Variants in ALG8 observed in about 807,000 individuals in gnomAD.
ALG8 encodes dolichyl pyrophosphate Glc1Man9GlcNAc2 alpha-1,3-glucosyltransferase.
In ALG8, 48 loss-of-function variants were observed where a neutral mutation model predicts 70.2. The observed-to-expected ratio is 0.68, with a 90% CI of 0.54 to 0.87. The LOEUF is 0.87. Among genes scored for constraint, ALG8 ranks in the 40% least tolerant of loss-of-function variants. ALG8 has a pLI of 0.00. For missense variants in ALG8, 572 were observed against 608.7 expected, an observed-to-expected ratio of 0.94 and a Z score of 0.64; for synonymous variants, 234 against 229.0, an observed-to-expected ratio of 1.02 and a Z score of -0.20.
At chr11:78,124,647 G>A (rs1278558340) in intron 2 of ALG8, among the ~76,000 whole-genome samples, 1 of 152,038 alleles carries the variant, frequency 6.6e-6, no homozygotes, top group African/African-American at 2.4e-5. Flanking sequence ...GATAAACTTG[G>A]TTATGACATG....
intron 6 of ALG8, 63 bp downstream of exon 6, chr11:78,114,203 C>G (rs140571089): frequency 1.9e-6 from 3 of 1,604,678 alleles, no homozygotes; most frequent in Admixed American, 3.3e-5. Flanking sequence ...ATCAAGCAAG[C>G]CACCAAGTCA....
At chr11:78,127,476 A>G in intron 1 of ALG8, 40 bp from the exon 2 acceptor site, 1 of 1,542,864 alleles carries the variant, frequency 6.5e-7, no homozygotes, top group Non-Finnish European at 8.9e-7. Flanking sequence ...AGATTTTGCA[A>G]TATTTATCAA....
In ALG8 at chr11:78,139,584, G is replaced by C; in HGVS notation, c.5C>G (p.Ala2Gly). ...AGTACCCGTGGCAATTGTGAGCGCC[G>C]CCATTGCTGCGGCACCGCACGCTTC... MAALTIATGTGN... is the reference protein window; with the variant it reads MGALTIATGTGN... The change falls in exon 1 of 13, where the codon GCG becomes GGG. Residue 2 changes from alanine to glycine, a missense_variant. By Grantham distance (60) the Ala-to-Gly change is moderately conservative. Coordinates refer to ENST00000299626, the MANE Select transcript of ALG8 (RefSeq NM_024079.5). The C allele has an allele frequency of 6.4e-7, 1 of 1,554,786 alleles. No homozygotes were observed. The highest frequency in any genetic ancestry group is 8.7e-7 in the Non-Finnish European group (1 of 1,148,668).
chr11:78,135,916 C>T (rs566724470), intron 1 of ALG8, among the ~76,000 whole-genome samples: 29 of 150,842 alleles, frequency 1.9e-4, no homozygotes, highest in African/African-American at 7.1e-4. Flanking sequence ...TGTCTGTAAT[C>T]CTAGCACTTT....
intron 7 of ALG8, among the ~76,000 whole-genome samples, chr11:78,113,586 G>A (rs1436745816): frequency 6.6e-6 from 1 of 151,812 alleles, no homozygotes; most frequent in Non-Finnish European, 1.5e-5. Flanking sequence ...GGTGGCATGT[G>A]CCTGTAATCC....
At chr11:78,133,968 A>T (rs1307714946) in intron 1 of ALG8, among the ~76,000 whole-genome samples, 1 of 152,154 alleles carries the variant, frequency 6.6e-6, no homozygotes, top group Non-Finnish European at 1.5e-5. Flanking sequence ...CTAAAAAGAC[A>T]GCGTACACCT....
At position 78,109,487 on chromosome 11, in the gene ALG8, T is replaced by A. The variant is rs758856513; in HGVS notation, c.993A>T (p.Ser331=). Residue 331 remains serine, a synonymous_variant, in exon 9 of 13, where the codon TCA becomes TCT. Transcript: ENST00000299626. The part of the protein sequence containing the change: ...VQQFQHTVLP[S]VTPLATLICT... The stretch of plus-strand genomic sequence containing the variant: ...AGATGAGGGTTGCCAAGGGAGTCAC[T>A]GAGGGAAGGACTGTGTGTTGGAACT... 9.9e-6 allele frequency: 16 copies of A among 1,614,072 alleles called. No individual in the cohort carries two copies. Among genetic ancestry groups the A allele is most frequent in the Middle Eastern group, 1.6e-4 (1 of 6,084 alleles).
At position 78,103,988 on chromosome 11, in the gene ALG8, A is replaced by G; in HGVS notation, c.1341T>C (p.Thr447=). ...FTIYSISSLK[T]LFRKEKPLFN... ...AACATTTTTTTGATTACCTGAATAAAGTCTTCAGTGACGAAATACTATATA... is the reference window on the plus strand; with the variant it reads ...AACATTTTTTTGATTACCTGAATAAGGTCTTCAGTGACGAAATACTATATA... The change falls in exon 12 of 13, where the codon ACT becomes ACC. Residue 447 remains threonine, a synonymous_variant. Transcript: ENST00000299626. The G allele has an allele frequency of 6.7e-7, 1 of 1,483,206 alleles. No homozygotes were observed. The highest frequency in any genetic ancestry group is 9.4e-7 in the Non-Finnish European group (1 of 1,065,632). The allele number at this position is 1,483,206 out of a possible 1,614,324, so 91.9% of individuals were successfully genotyped here. A position where few individuals can be genotyped will look rare whatever the true frequency, so the allele number is the denominator to read the frequency against.
intron 9 of ALG8, among the ~76,000 whole-genome samples, chr11:78,108,031 G>A (rs911438752): frequency 1.3e-5 from 2 of 151,914 alleles, no homozygotes; most frequent in African/African-American, 4.8e-5. Flanking sequence ...TATAATCCCA[G>A]CACTTTGGGA....
At chr11:78,122,354 T>A (rs1478330247) in intron 3 of ALG8, among the ~76,000 whole-genome samples, 2 of 151,626 alleles carry the variant, frequency 1.3e-5, no homozygotes, top group Non-Finnish European at 2.9e-5. Context: ...TTTTTTTTTT[T>A]TTTTTTGAGA....
At chr11:78,115,596 G>A (rs535727630) in intron 5 of ALG8, among the ~76,000 whole-genome samples, 6 of 152,024 alleles carry the variant, frequency 3.9e-5, no homozygotes, top group African/African-American at 1.4e-4. Flanking sequence ...TGTTGGCCAG[G>A]CTGGTCTCAA....
chr11:78,121,279 A>C (rs2136920128), intron 3 of ALG8, 105 bp from the exon 4 acceptor site: 1 of 767,624 alleles, frequency 1.3e-6, no homozygotes. Context: ...GACAAACTAC[A>C]TGCCATTCTT....
intron 1 of ALG8, among the ~76,000 whole-genome samples, chr11:78,130,175 C>G (rs1861242755): frequency 6.6e-6 from 1 of 151,784 alleles, no homozygotes; most frequent in East Asian, 1.9e-4. Flanking sequence ...AACAATGAGA[C>G]CCCATCTCTC....
intron 1 of ALG8, chr11:78,137,454 G>A (rs1861599894): frequency 2.0e-5 from 3 of 152,104 alleles, no homozygotes; most frequent in Admixed American, 6.5e-5. Flanking sequence ...CAACTTGGCT[G>A]TTTGGCACAA....
At chr11:78,118,127 G>C (rs1231592549) in intron 5 of ALG8, among the ~76,000 whole-genome samples, 1 of 151,754 alleles carries the variant, frequency 6.6e-6, no homozygotes, top group African/African-American at 2.4e-5. Flanking sequence ...TAGTAGCCAT[G>C]TATTTGAGTA....
chr11:78,129,379 C>A (rs1419314078), intron 1 of ALG8, among the ~76,000 whole-genome samples: 1 of 149,960 alleles, frequency 6.7e-6, no homozygotes, highest in Non-Finnish European at 1.5e-5. Context: ...GAGATCGCGC[C>A]ACTGCACTCC....
chr11:78,129,558 A>G (rs2136937670), intron 1 of ALG8, among the ~76,000 whole-genome samples: 1 of 152,350 alleles, frequency 6.6e-6, no homozygotes, highest in East Asian at 1.9e-4. Context: ...CAGTTCTCAA[A>G]GTGTGATTCA....
chr11:78,127,104 G>A (rs921364587), intron 2 of ALG8, among the ~76,000 whole-genome samples: 1 of 151,648 alleles, frequency 6.6e-6, no homozygotes, highest in Non-Finnish European at 1.5e-5. Flanking sequence ...CTCAGCTCCT[G>A]AGTAGCTGGG....
intron 12 of ALG8, among the ~76,000 whole-genome samples, 163 bp from the exon 13 acceptor site, chr11:78,101,358 G>A (rs914663417): frequency 6.6e-6 from 1 of 152,244 alleles, no homozygotes; most frequent in Non-Finnish European, 1.5e-5. Context: ...GCCAAGTGCA[G>A]AGGCTCATGC....
Sources: allele counts gnomAD v4.1 joint callset (sites outside exome capture counted in the v4.1 genomes callset), GRCh38; gene constraint gnomAD v4.1.1; transcripts MANE v1.5; gene names NCBI Gene and HGNC (gene_info 2026-07-23, HGNC 2026-07-21).